The following FYCO1 variants were observed in gnomAD, a reference collection of about 807,000 sequenced individuals.
The protein encoded by FYCO1 is FYVE and coiled-coil domain autophagy adaptor 1.
A neutral mutation model predicts 165.1 loss-of-function variants in FYCO1; 122 were observed. The observed-to-expected ratio is 0.74, with a 90% CI of 0.64 to 0.86. The LOEUF (loss-of-function observed/expected upper bound fraction) is 0.86, where lower values mean the gene tolerates loss of function less well. FYCO1 is among the 40% of genes least tolerant of loss of function. FYCO1 has a pLI of 0.00. For synonymous variants in FYCO1, 648 were observed against 742.5 expected (o/e 0.87, Z 2.07); for missense variants, 1,702 against 1,810.3 (o/e 0.94, Z 1.09).
chr3:45,946,355 G>A, intron 14 of FYCO1: 2 of 774,330 alleles, frequency 2.6e-6, no homozygotes, highest in Non-Finnish European at 4.3e-6. Flanking sequence ...CAGTGGGTGG[G>A]TTTAGAAGAT....
At chr3:45,922,987 G>A (rs1703159198) in intron 17 of FYCO1, among the ~76,000 whole-genome samples, 1 of 152,188 alleles carries the variant, frequency 6.6e-6, no homozygotes. Context: ...ATGATTGGCA[G>A]ATACTCAGTC....
chr3:45,936,977 G>A (rs917163084), intron 14 of FYCO1, among the ~76,000 whole-genome samples: 4 of 152,118 alleles, frequency 2.6e-5, no homozygotes, highest in African/African-American at 7.2e-5. Context: ...GGCACCCAGG[G>A]GAGATTTTTA....
At chr3:45,987,433 GA>G (rs1353497383) in intron 1 of FYCO1, among the ~76,000 whole-genome samples, 1 of 152,214 alleles carries the variant, frequency 6.6e-6, no homozygotes, top group Admixed American at 6.5e-5. Context: ...CTGAGGAAGG[GA>G]AAATCTAATT....
intron 1 of FYCO1, among the ~76,000 whole-genome samples, chr3:45,986,052 C>T (rs1225096769): frequency 1.3e-5 from 2 of 152,226 alleles, no homozygotes; most frequent in Non-Finnish European, 2.9e-5. Flanking sequence ...CTCACAATCA[C>T]CCTGGTGGAG....
In FYCO1 at chr3:45,919,030, T is replaced by A. The variant is rs1442568302; in HGVS notation, c.*2735A>T. The stretch of plus-strand genomic sequence containing the variant: ...TCTGGTATCGATATGAAGACGTAAC[T>A]GTTATTCAGAGAGATGAGCCATCAA... On this transcript the variant is annotated 3_prime_UTR_variant, in exon 18 of 18. Transcript: ENST00000296137. 1.3e-5 allele frequency: 2 copies of A among 151,000 alleles called. No individual in the cohort carries two copies. Among genetic ancestry groups the A allele is most frequent in the Non-Finnish European group, 2.9e-5 (2 of 67,924 alleles). The allele number at this position is 151,000 out of a possible 1,614,324, so 9.4% of individuals were successfully genotyped here. A position where few individuals can be genotyped will look rare whatever the true frequency, so the allele number is the denominator to read the frequency against.
At position 45,955,259 on chromosome 3, in the gene FYCO1, C is replaced by T. The variant is rs1000846046; in HGVS notation, c.3934G>A (p.Ala1312Thr). ...GTGACCTCTACTCACTGTTCAGCCG[C>T]ATTTGGGTCGAGAGAATCAGTTTCA... Reference protein sequence around the residue: ...PTETDSLDPNAAEQDTTSTSL... With the variant: ...PTETDSLDPNTAEQDTTSTSL... Residue 1312 changes from alanine (A) to threonine (T), a missense_variant, in exon 14 of 18, where the codon GCG (alanine) becomes ACG (threonine). Transcript: ENST00000296137. The T allele has an allele frequency of 3.1e-6, 5 of 1,613,882 alleles. No individual in the cohort carries two copies. Among genetic ancestry groups the T allele is most frequent in the African/African-American group, 1.3e-5 (1 of 74,898 alleles).
At chr3:45,969,231 A>G (rs1242971253) in intron 7 of FYCO1, among the ~76,000 whole-genome samples, 1 of 152,218 alleles carries the variant, frequency 6.6e-6, no homozygotes, top group Non-Finnish European at 1.5e-5. Context: ...ACTACCTACT[A>G]ACATTGACTG....
intron 1 of FYCO1, among the ~76,000 whole-genome samples, chr3:45,987,076 T>C (rs561119548): frequency 2.0e-5 from 3 of 152,290 alleles, no homozygotes; most frequent in Admixed American, 1.3e-4. Context: ...ACTATGGGCA[T>C]ACAAAACAAC....
chr3:45,985,528 A>C (rs996742675), intron 1 of FYCO1, among the ~76,000 whole-genome samples: 1 of 152,196 alleles, frequency 6.6e-6, no homozygotes, highest in Non-Finnish European at 1.5e-5. Context: ...ATGAGGACAC[A>C]TACCCTCAGA....
At chr3:45,979,097 T>C (rs1393320377) in intron 4 of FYCO1, among the ~76,000 whole-genome samples, 1 of 151,924 alleles carries the variant, frequency 6.6e-6, no homozygotes, top group East Asian at 1.9e-4. Flanking sequence ...CCTGACCTCG[T>C]GATCTGCCCG....
rs1209971706 is a variant in FYCO1 at position 45,962,800 on chromosome 3, G to A, written c.3270-408C>T. On this transcript the variant is annotated intron_variant, in intron 10 of 17. Transcript: ENST00000296137. This position sits in a 1 kb window ranked among gnomAD's most constrained non-coding sequence, Gnocchi z 4.4. ...TCCTGGAGGTGGCCACACAGAGGAG[G>A]GCCTGTCTTCCACACGTCCTTGGGA... is the stretch of plus-strand genomic sequence containing the variant. Among the ~76,000 whole-genome samples, 1 of 152,066 alleles carries A rather than the reference G, an allele frequency of 6.6e-6. No homozygotes were observed. Among genetic ancestry groups the A allele is most frequent in the Admixed American group, 6.5e-5 (1 of 15,278 alleles).
Position 45,959,555 on chromosome 3 carries a change from C to G in FYCO1, c.3438-13G>C. On this transcript the variant is annotated splice_polypyrimidine_tract_variant and intron_variant, in intron 11 of 17. Transcript: ENST00000296137. ...AGCATCCTTGTCCCTGGGACAAAAC[C>G]ACATTGGAAGAAAAGGAGAGAGAAT... 6.2e-7 allele frequency: 1 copy of G among 1,613,158 alleles called. No homozygotes were observed. The highest frequency in any genetic ancestry group is 8.5e-7 in the Non-Finnish European group (1 of 1,179,228).
chr3:45,939,723 C>T (rs17078454), intron 14 of FYCO1, among the ~76,000 whole-genome samples: 29,085 of 152,198 alleles, frequency 0.19, 2,921 homozygotes, highest in East Asian at 0.29. Context: ...AGGCTCCCAT[C>T]GTCCCTCTGG....
chr3:45,922,966 C>T (rs1360524674), intron 17 of FYCO1, among the ~76,000 whole-genome samples: 2 of 152,182 alleles, frequency 1.3e-5, no homozygotes, highest in African/African-American at 2.4e-5. Context: ...AGGTGCCCAG[C>T]CCCTCTCCAA....
chr3:45,967,911 C>T lies in FYCO1; in HGVS notation c.1423G>A (p.Glu475Lys). Residue 475 changes from glutamate (E) to lysine (K), a missense_variant, in exon 8 of 18, where the codon GAG (glutamate) becomes AAG (lysine). By Grantham distance (56) the Glu-to-Lys change is moderately conservative. Coordinates refer to ENST00000296137, the MANE Select transcript of FYCO1 (RefSeq NM_024513.4). Reference protein sequence around the residue: ...EADQLWRRLQELLAHTSSWEE... With the variant: ...EADQLWRRLQKLLAHTSSWEE... ...CAGGAGCTCGTGTGGGCCAGCAACT[C>T]CTGCAGCCGTCGCCAGAGCTGGTCT... 2 of 1,614,148 alleles carry T rather than the reference C, an allele frequency of 1.2e-6. No individual in the cohort carries two copies. Among genetic ancestry groups the T allele is most frequent in the Non-Finnish European group, 1.7e-6 (2 of 1,180,028 alleles).
intron 17 of FYCO1, among the ~76,000 whole-genome samples, chr3:45,922,931 T>G (rs543390299): frequency 6.6e-6 from 1 of 152,352 alleles, no homozygotes; most frequent in African/African-American, 2.4e-5. Context: ...GGGTCTGTGC[T>G]GAAGCAGAAG....
Position 45,962,146 on chromosome 3 carries a change from T to C in FYCO1, c.3437+79A>G. On this transcript the variant is annotated intron_variant, in intron 11 of 17. Transcript: ENST00000296137. The surrounding 1 kb of genome is among the most constrained non-coding windows in gnomAD (Gnocchi z 4.4). ...AGTGGGGAAATTTCTGAAGTATGCTTTCAAGAACAGCTGCATTTCTTTAGA... is the reference window on the plus strand; with the variant it reads ...AGTGGGGAAATTTCTGAAGTATGCTCTCAAGAACAGCTGCATTTCTTTAGA... The C allele has an allele frequency of 6.7e-7, 1 of 1,487,822 alleles. No homozygotes were observed. Among genetic ancestry groups the C allele is most frequent in the Non-Finnish European group, 9.4e-7 (1 of 1,066,190 alleles). 92.2% of individuals were successfully genotyped at this position (1,487,822 alleles called of 1,614,324 possible).
intron 16 of FYCO1, among the ~76,000 whole-genome samples, chr3:45,926,055 G>A (rs1703305566): frequency 6.6e-6 from 1 of 152,178 alleles, no homozygotes. Context: ...CTGAGAGACA[G>A]GAATAGGGTG....
chr3:45,989,851 C>T (rs1707486089), intron 1 of FYCO1, among the ~76,000 whole-genome samples: 1 of 152,074 alleles, frequency 6.6e-6, no homozygotes, highest in Admixed American at 6.6e-5. Context: ...CTGGGGAAGC[C>T]AAGTCTTTTT....
Sources: allele counts gnomAD v4.1 joint callset (sites outside exome capture counted in the v4.1 genomes callset), GRCh38; gene constraint gnomAD v4.1.1; non-coding constraint Gnocchi (gnomAD v3.1); transcripts MANE v1.5; gene names NCBI Gene and HGNC (gene_info 2026-07-23, HGNC 2026-07-21).